SAMD12: variants seen among roughly 807,000 people sequenced by gnomAD.
The protein encoded by SAMD12 is sterile alpha motif domain-containing protein 12.
In SAMD12, 9 loss-of-function variants were observed where a neutral mutation model predicts 15.0. The ratio of observed to expected loss-of-function variants is 0.60; its 90% CI spans 0.36 to 1.05. The LOEUF is 1.05. Among genes scored for constraint, SAMD12 ranks in the 50% least tolerant of loss-of-function variants. SAMD12 has a pLI of 0.01. For missense variants in SAMD12, 230 were observed against 234.2 expected (o/e 0.98, Z 0.12); for synonymous variants, 86 against 90.1 (o/e 0.96, Z 0.25).
intron 4 of SAMD12, among the ~76,000 whole-genome samples, chr8:118,318,449 A>C (rs765430491): frequency 6.0e-5 from 9 of 150,948 alleles, no homozygotes; most frequent in Non-Finnish European, 8.8e-5. Flanking sequence ...CATGATTCTA[A>C]GTGAAGTAAC....
At chr8:118,207,826 T>C (rs1203659844) in intron 4 of SAMD12, among the ~76,000 whole-genome samples, 1 of 152,184 alleles carries the variant, frequency 6.6e-6, no homozygotes, top group African/African-American at 2.4e-5. Context: ...GATTCACTAC[T>C]TTAGATAAAA....
chr8:118,585,686 A>G (rs542077144), intron 1 of SAMD12, among the ~76,000 whole-genome samples: 2 of 152,310 alleles, frequency 1.3e-5, no homozygotes, highest in South Asian at 2.1e-4. Context: ...ATTTTCCTGG[A>G]AAGGAAATGT....
chr8:118,404,908 C>T (rs935335101), intron 3 of SAMD12, among the ~76,000 whole-genome samples: 1 of 152,114 alleles, frequency 6.6e-6, no homozygotes, highest in Non-Finnish European at 1.5e-5. Context: ...GTAATTCTCC[C>T]ACCATAACCT....
chr8:118,472,025 C>T (rs1034689524), intron 2 of SAMD12, among the ~76,000 whole-genome samples: 4 of 151,834 alleles, frequency 2.6e-5, no homozygotes, highest in East Asian at 1.9e-4. Context: ...CGGTGGCTCA[C>T]GCCTGTAATC....
intron 2 of SAMD12, among the ~76,000 whole-genome samples, chr8:118,556,673 T>C (rs964052891): frequency 6.6e-6 from 1 of 152,040 alleles, no homozygotes; most frequent in Admixed American, 6.6e-5. Context: ...GTGATAGAAA[T>C]AGACATGGGG....
chr8:118,574,192 G>A (rs1827093005), intron 2 of SAMD12, among the ~76,000 whole-genome samples: 1 of 152,204 alleles, frequency 6.6e-6, no homozygotes, highest in Non-Finnish European at 1.5e-5. Flanking sequence ...TCTCCAAAGA[G>A]AATCACTTTA....
intron 2 of SAMD12, among the ~76,000 whole-genome samples, chr8:118,500,970 C>T (rs571735477): frequency 4.6e-5 from 7 of 152,272 alleles, no homozygotes; most frequent in African/African-American, 1.7e-4. Flanking sequence ...GTACTCACCT[C>T]GTTGTCCAGC....
At chr8:118,363,357 C>T (rs1419359194) in intron 4 of SAMD12, among the ~76,000 whole-genome samples, 1 of 152,102 alleles carries the variant, frequency 6.6e-6, no homozygotes, top group Non-Finnish European at 1.5e-5. Context: ...AGATTTCCCT[C>T]CCCATGTCAA....
intron 2 of SAMD12, among the ~76,000 whole-genome samples, chr8:118,464,793 T>G (rs1162125150): frequency 6.6e-6 from 1 of 152,112 alleles, no homozygotes; most frequent in Non-Finnish European, 1.5e-5. Flanking sequence ...GGGCTAATAA[T>G]CAATTATAAA....
intron 2 of SAMD12, among the ~76,000 whole-genome samples, chr8:118,491,510 G>A (rs1316637983): frequency 6.6e-6 from 1 of 152,142 alleles, no homozygotes; most frequent in South Asian, 2.1e-4. Context: ...AGAGTAAAAC[G>A]TATAGATCCT....
rs1563761506 is a variant in SAMD12 at position 118,321,149 on chromosome 8, ATATATAT to A, written c.433+58404_433+58410del. Among the ~76,000 whole-genome samples, 91 of 12,548 alleles carry A rather than the reference ATATATAT, an allele frequency of 7.3e-3. 1 individual carries two copies. The highest frequency in any genetic ancestry group is 0.033 in the Admixed American group (66 of 2,012). The allele number at this position is 12,548 out of a possible 152,430, so 8.2% of individuals were successfully genotyped here. A position where few individuals can be genotyped will look rare whatever the true frequency, so the allele number is the denominator to read the frequency against. On this transcript the variant is annotated intron_variant, in intron 4 of 4. Transcript: ENST00000409003. Reference sequence around the variant, plus strand: ...CATATATATCATAGATAATAAATATATATATATATATATATATATATATATATATATA... The same window carrying A: ...CATATATATCATAGATAATAAATATAATATATATATATATATATATATATA...
At chr8:118,222,959 A>T (rs1310459566) in intron 4 of SAMD12, among the ~76,000 whole-genome samples, 1 of 152,124 alleles carries the variant, frequency 6.6e-6, no homozygotes, top group Non-Finnish European at 1.5e-5. Context: ...ACTTGTCAAA[A>T]CTACAGGTAA....
intron 4 of SAMD12, among the ~76,000 whole-genome samples, chr8:118,226,540 A>T (rs1191273022): frequency 1.3e-5 from 2 of 152,156 alleles, no homozygotes; most frequent in African/African-American, 4.8e-5. Flanking sequence ...CTATCTGACC[A>T]CCCATCCATC....
chr8:118,549,223 A>T (rs201223754), intron 2 of SAMD12, among the ~76,000 whole-genome samples: 47 of 152,336 alleles, frequency 3.1e-4, no homozygotes, highest in African/African-American at 9.6e-4. Flanking sequence ...GCAGACTGCC[A>T]CCTCAAGTGG....
intron 2 of SAMD12, among the ~76,000 whole-genome samples, chr8:118,449,918 C>T (rs192466345): frequency 4.6e-4 from 70 of 152,030 alleles, no homozygotes; most frequent in African/African-American, 1.6e-3. Context: ...TTTATTCAGG[C>T]CTGGGTTTGC....
chr8:118,566,786 T>G (rs555606269), intron 2 of SAMD12, among the ~76,000 whole-genome samples: 126 of 152,332 alleles, frequency 8.3e-4, no homozygotes, highest in African/African-American at 2.9e-3. Flanking sequence ...GGTATATATT[T>G]AGGCTTATCA....
intron 2 of SAMD12, among the ~76,000 whole-genome samples, chr8:118,493,812 C>A (rs578088675): frequency 6.6e-6 from 1 of 152,088 alleles, no homozygotes; most frequent in South Asian, 2.1e-4. Context: ...GAGGTGGACA[C>A]CACATGGCAG....
chr8:118,161,191 T>C, the SAMD12 span, among the ~76,000 whole-genome samples: 45,660 of 152,100 alleles, frequency 0.3, 6,819 homozygotes, highest in Admixed American at 0.33. Context: ...TCCAGTCTAT[T>C]GTTGTTGGAC....
At chr8:118,495,517 A>G (rs1412422848) in intron 2 of SAMD12, among the ~76,000 whole-genome samples, 1 of 151,576 alleles carries the variant, frequency 6.6e-6, no homozygotes, top group Non-Finnish European at 1.5e-5. Flanking sequence ...TTTTGATACT[A>G]CAGGAAGATA....
Sources: gnomAD v4.1 joint callset for allele counts (sites outside exome capture counted in the v4.1 genomes callset) on GRCh38, gnomAD v4.1.1 for gene constraint, MANE v1.5 for transcripts, NCBI Gene and HGNC (gene_info 2026-07-23, HGNC 2026-07-21) for gene names.